FAM72A: variants seen among roughly 807,000 people sequenced by gnomAD.
FAM72A encodes protein FAM72A.
FAM72A carries 1 observed loss-of-function variant against 11.3 expected under a neutral mutation model. The observed-to-expected ratio is 0.09, with a 90% CI of 0.03 to 0.42. FAM72A has a LOEUF of 0.42. Among genes scored for constraint, FAM72A ranks in the 10% least tolerant of loss-of-function variants. FAM72A has a pLI of 0.98. For missense variants in FAM72A, 15 were observed against 135.5 expected (o/e 0.11, Z 4.41); for synonymous variants, 5 against 46.9 (o/e 0.11, Z 3.65).
upstream of FAM72A, chr1:206,202,862 G>A (rs1361356588): frequency 3.2e-5 from 4 of 126,536 alleles, no homozygotes; most frequent in Admixed American, 8.2e-5. Flanking sequence ...TCCCTCTTCC[G>A]CTTTTCCTGC....
intron 3 of FAM72A, among the ~76,000 whole-genome samples, chr1:206,190,606 C>G (rs1349425098): frequency 7.9e-6 from 1 of 126,590 alleles, no homozygotes; most frequent in Non-Finnish European, 1.6e-5. Flanking sequence ...CGAGGTGTCT[C>G]AGGCCTGTAA....
At chr1:206,191,647 T>A in intron 3 of FAM72A, among the ~76,000 whole-genome samples, 1 of 138,864 alleles carries the variant, frequency 7.2e-6, no homozygotes, top group Admixed American at 7.0e-5. Context: ...TTTCAGTGCC[T>A]CAGCACCTTA....
chr1:206,190,574 C>T (rs1553297406), intron 3 of FAM72A, among the ~76,000 whole-genome samples: 2 of 139,888 alleles, frequency 1.4e-5, no homozygotes, highest in East Asian at 4.2e-4. Context: ...CTTAGATTGT[C>T]AAGTTACTTA....
intron 2 of FAM72A, among the ~76,000 whole-genome samples, chr1:206,198,112 C>T (rs1665164999): frequency 6.6e-6 from 1 of 150,974 alleles, no homozygotes; most frequent in Non-Finnish European, 1.5e-5. Context: ...GCCTGTAATC[C>T]TAGCACTTAG....
intron 3 of FAM72A, among the ~76,000 whole-genome samples, chr1:206,191,839 A>C (rs1372767246): frequency 6.7e-6 from 1 of 148,538 alleles, no homozygotes; most frequent in Non-Finnish European, 1.5e-5. Flanking sequence ...GGGGGGTTTC[A>C]TCATATTGGC....
upstream of FAM72A, chr1:206,203,252 G>C (rs1553299675): frequency 2.6e-6 from 1 of 390,214 alleles, no homozygotes; most frequent in Non-Finnish European, 4.5e-6. Context: ...AATTGGCCGT[G>C]CCTTAGCTCA....
chr1:206,196,615 A>G (rs1228534323), intron 2 of FAM72A, among the ~76,000 whole-genome samples: 2 of 115,202 alleles, frequency 1.7e-5, no homozygotes, highest in African/African-American at 7.8e-5. Context: ...ATGGAGAGGT[A>G]GGAAGACAGC....
intron 3 of FAM72A, among the ~76,000 whole-genome samples, chr1:206,193,395 A>G (rs1553297878): frequency 7.1e-6 from 1 of 141,394 alleles, no homozygotes; most frequent in African/African-American, 2.7e-5. Context: ...GTTCTACTAT[A>G]TTGGTCAGGC....
chr1:206,196,711 C>G (rs1665076018), intron 2 of FAM72A, among the ~76,000 whole-genome samples: 1 of 142,392 alleles, frequency 7.0e-6, no homozygotes, highest in East Asian at 2.0e-4. Context: ...AAGCAATCTA[C>G]AGCCTCCAGA....
At chr1:206,196,359 C>T (rs2102389219) in intron 2 of FAM72A, among the ~76,000 whole-genome samples, 1 of 62,666 alleles carries the variant, frequency 1.6e-5, no homozygotes, top group South Asian at 6.3e-4. Context: ...GCTGGGATTA[C>T]AGGCATGAGC....
chr1:206,187,621 G>A (rs1468359300), intron 3 of FAM72A, among the ~76,000 whole-genome samples: 8 of 152,052 alleles, frequency 5.3e-5, no homozygotes, highest in Non-Finnish European at 7.4e-5. Flanking sequence ...GTAGGATCAC[G>A]GTTCACAATC....
At chr1:206,191,605 T>G (rs1246789886) in intron 3 of FAM72A, among the ~76,000 whole-genome samples, 1 of 136,180 alleles carries the variant, frequency 7.3e-6, no homozygotes, top group Non-Finnish European at 1.5e-5. Flanking sequence ...AGAGTGAAAC[T>G]CTGTCTCAAA....
chr1:206,187,499 A>G (rs1664590850), intron 3 of FAM72A, 126 bp from the exon 4 acceptor site: 1 of 643,826 alleles, frequency 1.6e-6, no homozygotes. Context: ...AAGAGTAGCT[A>G]TTGAAGAATG....
At chr1:206,187,716 T>C (rs1553297067) in intron 3 of FAM72A, among the ~76,000 whole-genome samples, 1 of 151,928 alleles carries the variant, frequency 6.6e-6, no homozygotes, top group Non-Finnish European at 1.5e-5. Context: ...AGGCGTGTAC[T>C]ACCACACATG....
intron 3 of FAM72A, among the ~76,000 whole-genome samples, chr1:206,193,555 A>G (rs1248484130): frequency 2.1e-4 from 32 of 152,328 alleles, no homozygotes; most frequent in Admixed American, 1.4e-3. Flanking sequence ...GGACTTTCAT[A>G]GCTAGAGAGG....
intron 1 of FAM72A, among the ~76,000 whole-genome samples, chr1:206,200,245 C>A (rs1340413245): frequency 6.6e-6 from 1 of 150,980 alleles, no homozygotes; most frequent in Non-Finnish European, 1.5e-5. Flanking sequence ...GGATATGTAC[C>A]CAGAACTGCT....
chr1:206,189,111 G>A (rs1664669165), intron 3 of FAM72A, among the ~76,000 whole-genome samples: 1 of 151,332 alleles, frequency 6.6e-6, no homozygotes. Context: ...ATGTTTTTGA[G>A]GTTAATCCAT....
At chr1:206,191,868 C>T (rs1191141944) in intron 3 of FAM72A, among the ~76,000 whole-genome samples, 1 of 151,352 alleles carries the variant, frequency 6.6e-6, no homozygotes, top group African/African-American at 2.4e-5. Context: ...TCTCGAACCC[C>T]TGACCTCAAG....
upstream of FAM72A, chr1:206,203,284 G>C (rs1665494549): frequency 7.6e-6 from 3 of 397,344 alleles, no homozygotes; most frequent in Non-Finnish European, 1.3e-5. Context: ...TTGGTCGTCG[G>C]TTCCACCTTA....
Sources: gnomAD v4.1 joint callset for allele counts (sites outside exome capture counted in the v4.1 genomes callset) on GRCh38, gnomAD v4.1.1 for gene constraint, MANE v1.5 for transcripts, NCBI Gene and HGNC (gene_info 2026-07-23, HGNC 2026-07-21) for gene names.